Variants in SELENOT observed in about 807,000 individuals in gnomAD.
The protein encoded by SELENOT is thioredoxin reductase-like selenoprotein T.
SELENOT carries 9 observed loss-of-function variants against 24.3 expected under a neutral mutation model. That is an observed-to-expected ratio of 0.37 (90% CI 0.22 to 0.65). The LOEUF (loss-of-function observed/expected upper bound fraction) is 0.65, where lower values mean the gene tolerates loss of function less well. SELENOT is among the 30% of genes least tolerant of loss of function. The pLI is 0.60. For missense variants in SELENOT, 166 were observed against 247.6 expected, an observed-to-expected ratio of 0.67 and a Z score of 2.21; for synonymous variants, 81 against 86.0, an observed-to-expected ratio of 0.94 and a Z score of 0.32.
rs927949571 is a variant in SELENOT, at chr3:150,611,039, T to G, written c.137+7540T>G. ...TGTGTGTGTGTGTGTGTGTGTGTATTTGTTTTTGTTTTCTTTTTTAATAGT... is the reference window on the plus strand; with the variant it reads ...TGTGTGTGTGTGTGTGTGTGTGTATGTGTTTTTGTTTTCTTTTTTAATAGT... On this transcript the variant is annotated intron_variant, in intron 1 of 5. Transcript: ENST00000471696. 2.6e-4 allele frequency among the ~76,000 whole-genome samples: 29 copies of G among 111,778 alleles called. 1 individual carries two copies. The highest frequency in any genetic ancestry group is 1.1e-3 in the East Asian group (3 of 2,842). The allele number at this position is 111,778 out of a possible 152,430, so 73.3% of individuals were successfully genotyped here.
intron 1 of SELENOT, chr3:150,611,398 T>C: frequency 8.1e-7 from 1 of 1,234,232 alleles, no homozygotes; most frequent in Non-Finnish European, 1.2e-6. Context: ...AAGTTGTGCT[T>C]TATTAAGTCC....
In SELENOT at chr3:150,630,087, T is replaced by G. The variant is rs1726525110; in HGVS notation, c.*2458T>G. ...TATAAGATGTGCAAGACAAATATGC[T>G]TATTTCCTTTTCTAGAATATAAGTG... On this transcript the variant is annotated 3_prime_UTR_variant, in exon 6 of 6. Transcript: ENST00000471696. The G allele has an allele frequency of 6.6e-6, 1 of 152,382 alleles. No individual in the cohort carries two copies. Among genetic ancestry groups the G allele is most frequent in the Non-Finnish European group, 1.5e-5 (1 of 68,028 alleles). 9.4% of individuals were successfully genotyped at this position (152,382 alleles called of 1,614,324 possible).
At chr3:150,611,715 A>G in intron 1 of SELENOT, 1 of 1,591,520 alleles carries the variant, frequency 6.3e-7, no homozygotes, top group Non-Finnish European at 8.6e-7. Flanking sequence ...CTCCGCAGGC[A>G]GCACAGTTGC....
In SELENOT at chr3:150,627,011, T is replaced by A. The variant is rs1452090484; in HGVS notation, c.465T>A (p.Asp155Glu). The A allele has an allele frequency of 6.2e-7, 1 of 1,610,714 alleles. No individual in the cohort carries two copies. The highest frequency in any genetic ancestry group is 8.5e-7 in the Non-Finnish European group (1 of 1,179,258). ...GGGCGGTGCCATTTATTTTTATAGA[T>A]GTACCTGTGTGGTCTAAGCTGGAAT... ...STGAFEITLN[D>E]VPVWSKLESG... The change falls in exon 5 of 6, where the codon GAT becomes GAA. Residue 155 changes from aspartate (D) to glutamate (E), a missense_variant and splice_region_variant. By Grantham distance (45) the Asp-to-Glu change is conservative. Transcript: ENST00000471696.
intron 1 of SELENOT, among the ~76,000 whole-genome samples, chr3:150,610,916 C>T (rs530457312): frequency 6.6e-6 from 1 of 151,874 alleles, no homozygotes; most frequent in African/African-American, 2.4e-5. Flanking sequence ...GGTTAATGGA[C>T]TTGACCATTG....
intron 1 of SELENOT, chr3:150,611,297 T>C: frequency 1.5e-6 from 2 of 1,290,638 alleles, no homozygotes; most frequent in Non-Finnish European, 2.2e-6. Flanking sequence ...TCTGATTTGT[T>C]CTTGTCATTC....
intron 1 of SELENOT, among the ~76,000 whole-genome samples, chr3:150,615,433 A>G (rs1358300431): frequency 1.3e-5 from 2 of 149,656 alleles, no homozygotes; most frequent in African/African-American, 4.9e-5. Flanking sequence ...TCCCTGAGGA[A>G]TCGCCACACT....
chr3:150,619,471 G>A (rs1034899728), intron 1 of SELENOT, among the ~76,000 whole-genome samples: 1 of 152,108 alleles, frequency 6.6e-6, no homozygotes, highest in African/African-American at 2.4e-5. Flanking sequence ...GGGAGGCGGA[G>A]TTTGCAGTGA....
At chr3:150,612,379 C>T (rs1559896020) in intron 1 of SELENOT, among the ~76,000 whole-genome samples, 2 of 152,188 alleles carry the variant, frequency 1.3e-5, no homozygotes, top group South Asian at 4.1e-4. Flanking sequence ...AGGTGTGAGC[C>T]ACCATGCCCG....
At chr3:150,606,115 T>A (rs1200141618) in intron 1 of SELENOT, among the ~76,000 whole-genome samples, 1 of 151,176 alleles carries the variant, frequency 6.6e-6, no homozygotes, top group Non-Finnish European at 1.5e-5. Flanking sequence ...CGACAGAGTT[T>A]CCTATTCTCG....
chr3:150,616,604 T>G (rs1442522909), intron 1 of SELENOT, among the ~76,000 whole-genome samples: 1 of 152,212 alleles, frequency 6.6e-6, no homozygotes, highest in Non-Finnish European at 1.5e-5. Context: ...GAAAAAATGC[T>G]TACCATCACT....
chr3:150,611,503 A>G (rs1360945732), intron 1 of SELENOT: 1 of 1,113,448 alleles, frequency 9.0e-7, no homozygotes, highest in Admixed American at 1.7e-5. Context: ...GAAATCTTGA[A>G]CAGGTGAATC....
intron 1 of SELENOT, among the ~76,000 whole-genome samples, chr3:150,619,504 C>T (rs542822426): frequency 6.6e-6 from 1 of 152,332 alleles, no homozygotes; most frequent in African/African-American, 2.4e-5. Flanking sequence ...CCACTGCACG[C>T]TAGCCTGGGC....
chr3:150,623,545 A>C (rs1013263027), intron 3 of SELENOT, among the ~76,000 whole-genome samples: 1 of 152,084 alleles, frequency 6.6e-6, no homozygotes, highest in Non-Finnish European at 1.5e-5. Flanking sequence ...TAGTGGGTTG[A>C]TTCACATTAA....
chr3:150,606,948 GTTACTC>G (rs1312720607), intron 1 of SELENOT, among the ~76,000 whole-genome samples: 3 of 152,054 alleles, frequency 2.0e-5, no homozygotes, highest in African/African-American at 7.2e-5. Context: ...TGTATTGATA[GTTACTC>G]TTAGGCATGA....
At position 150,611,418 on chromosome 3, in the gene SELENOT, TGGTG is replaced by T; in HGVS notation, c.137+7921_137+7924del. The T allele has an allele frequency of 2.4e-6, 3 of 1,254,132 alleles. No homozygotes were observed. In the South Asian group the frequency reaches 3.6e-5, roughly 15 times the overall value. The allele number at this position is 1,254,132 out of a possible 1,614,324, so 77.7% of individuals were successfully genotyped here. ...GTGCTTTATTAAGTCCTGGTCTGGT[TGGTG>T]GCTTTAAGTGTCTTTTGTATCTCCT... On this transcript the variant is annotated intron_variant, in intron 1 of 5. Coordinates refer to ENST00000471696, the MANE Select transcript of SELENOT (RefSeq NM_016275.5).
chr3:150,603,911 CCT>C (rs892349540), intron 1 of SELENOT, among the ~76,000 whole-genome samples: 1 of 152,182 alleles, frequency 6.6e-6, no homozygotes, highest in African/African-American at 2.4e-5. Context: ...CTTTTTCTGC[CCT>C]CTTTTCCGGG....
In SELENOT at chr3:150,603,479, G is replaced by A; in HGVS notation, c.117G>A (p.Pro39=). 1 of 1,607,160 alleles carries A rather than the reference G, an allele frequency of 6.2e-7. No homozygotes were observed. The change falls in exon 1 of 6, where the codon CCG becomes CCA. Residue 39 remains proline (P), a synonymous_variant. Coordinates refer to ENST00000471696, the MANE Select transcript of SELENOT (RefSeq NM_016275.5). ...TAAAGATGCAGTACGCCACGGGGCC[G>A]CTGCTCAAGTTCCAGATTTGGTGAG... The part of the protein sequence containing the change: ...KRLKMQYATG[P]LLKFQICVSU...
At chr3:150,603,721 C>T in intron 1 of SELENOT, 1 of 450,594 alleles carries the variant, frequency 2.2e-6, no homozygotes, top group Non-Finnish European at 3.9e-6. Flanking sequence ...CCTCCTAGAA[C>T]AGTGGGAATG....
Sources: allele counts gnomAD v4.1 joint callset (sites outside exome capture counted in the v4.1 genomes callset), GRCh38; gene constraint gnomAD v4.1.1; transcripts MANE v1.5; gene names NCBI Gene and HGNC (gene_info 2026-07-23, HGNC 2026-07-21).